Variants in FBXL5 observed in about 807,000 individuals in gnomAD.
The protein encoded by FBXL5 is F-box/LRR-repeat protein 5.
In FBXL5, 26 loss-of-function variants were observed where a neutral mutation model predicts 78.3. The ratio of observed to expected loss-of-function variants is 0.33; its 90% confidence interval spans 0.24 to 0.46. The LOEUF (loss-of-function observed/expected upper bound fraction) is 0.46, where lower values mean the gene tolerates loss of function less well. FBXL5 is among the 20% of genes least tolerant of loss of function. The pLI, the probability that FBXL5 is intolerant of heterozygous loss-of-function variation, is 1.00. For missense variants in FBXL5, 710 were observed against 829.2 expected (o/e 0.86, Z 1.77); for synonymous variants, 295 against 282.5 (o/e 1.04, Z -0.45).
At chr4:15,631,517 A>G (rs1447177638) in intron 5 of FBXL5, among the ~76,000 whole-genome samples, 2 of 152,216 alleles carry the variant, frequency 1.3e-5, no homozygotes, top group Non-Finnish European at 2.9e-5. Flanking sequence ...TGGCTGAACT[A>G]ATTTACACTC....
chr4:15,631,343 G>C (rs1450354383), intron 5 of FBXL5, among the ~76,000 whole-genome samples: 1 of 152,186 alleles, frequency 6.6e-6, no homozygotes, highest in Non-Finnish European at 1.5e-5. Context: ...TTGGTTCCAA[G>C]TCTTTGCTAT....
At chr4:15,663,652 A>G (rs1717412391), upstream of FBXL5, among the ~76,000 whole-genome samples, 1 of 152,220 alleles carries the variant, frequency 6.6e-6, no homozygotes, top group Non-Finnish European at 1.5e-5. Context: ...TGGAGATTAA[A>G]TGAGATTATA....
At chr4:15,610,194 T>C (rs1275832630) in intron 10 of FBXL5, among the ~76,000 whole-genome samples, 1 of 152,030 alleles carries the variant, frequency 6.6e-6, no homozygotes, top group Non-Finnish European at 1.5e-5. Context: ...GGAACAAGTG[T>C]CATCTTGCAA....
At chr4:15,648,883 G>T (rs763897407) in intron 1 of FBXL5, among the ~76,000 whole-genome samples, 8 of 152,124 alleles carry the variant, frequency 5.3e-5, no homozygotes, top group Non-Finnish European at 7.3e-5. Flanking sequence ...CACACAAAGG[G>T]TAATCGTTTG....
At chr4:15,667,782 C>A (rs563249607) in intron 1 of FBXL5, among the ~76,000 whole-genome samples, 3 of 152,272 alleles carry the variant, frequency 2.0e-5, no homozygotes, top group South Asian at 4.1e-4. Context: ...TTTATCACGC[C>A]TGTAATCCCA....
chr4:15,671,462 A>C (rs941717135), intron 1 of FBXL5, among the ~76,000 whole-genome samples: 4 of 150,918 alleles, frequency 2.7e-5, no homozygotes, highest in Non-Finnish European at 4.4e-5. Context: ...TTTAAGAGAC[A>C]GGGTCTCTCC....
At position 15,636,558 on chromosome 4, in the gene FBXL5, T is replaced by C. The variant is rs748325740; in HGVS notation, c.702A>G (p.Lys234=). The change falls in exon 5 of 11, where the codon AAA becomes AAG. Residue 234 remains lysine (K), a synonymous_variant. Coordinates refer to ENST00000341285, the MANE Select transcript of FBXL5 (RefSeq NM_012161.4). The stretch of plus-strand genomic sequence containing the variant: ...ATCCCGTTTTTGTCAGCTGAGACCA[T>C]TTCATGCTTACTTGACTGCATCGAC... ...ELCRCSQVSM[K]WSQLTKTGSL... is the part of the protein sequence containing the mutation. The C allele has an allele frequency of 1.9e-6, 3 of 1,613,920 alleles. No homozygotes were observed. Among genetic ancestry groups the C allele is most frequent in the African/African-American group, 2.7e-5 (2 of 74,936 alleles).
At chr4:15,629,631 T>C (rs142743747) in intron 6 of FBXL5, among the ~76,000 whole-genome samples, 2 of 152,242 alleles carry the variant, frequency 1.3e-5, no homozygotes, top group East Asian at 3.9e-4. Context: ...CCTTCATACC[T>C]AAAACAATGC....
At chr4:15,631,397 T>C (rs1288373801) in intron 5 of FBXL5, among the ~76,000 whole-genome samples, 1 of 152,246 alleles carries the variant, frequency 6.6e-6, no homozygotes, top group Non-Finnish European at 1.5e-5. Flanking sequence ...TGTGTCTTTA[T>C]AGTAGCATAA....
At chr4:15,615,237 G>A (rs913279235) in intron 9 of FBXL5, among the ~76,000 whole-genome samples, 2 of 152,076 alleles carry the variant, frequency 1.3e-5, no homozygotes, top group East Asian at 1.9e-4. Flanking sequence ...CCTCCCCAAC[G>A]AGCACTACCC....
At chr4:15,654,658 G>A (rs1025401429) in intron 1 of FBXL5, among the ~76,000 whole-genome samples, 2 of 152,220 alleles carry the variant, frequency 1.3e-5, no homozygotes, top group African/African-American at 4.8e-5. Flanking sequence ...AAAGCCGGGG[G>A]TAAAAGGAAC....
chr4:15,670,138 CAT>C (rs1205967718), intron 1 of FBXL5, among the ~76,000 whole-genome samples: 2 of 152,298 alleles, frequency 1.3e-5, no homozygotes, highest in South Asian at 4.1e-4. Flanking sequence ...GTAGTATTCT[CAT>C]ATGTGTTCCA....
chr4:15,665,359 C>A (rs1329206394), intron 1 of FBXL5, among the ~76,000 whole-genome samples: 10 of 152,088 alleles, frequency 6.6e-5, no homozygotes. Flanking sequence ...TACAGCCATA[C>A]CCCTATAATC....
At chr4:15,630,122 T>G (rs1452585256) in intron 6 of FBXL5, among the ~76,000 whole-genome samples, 3 of 152,202 alleles carry the variant, frequency 2.0e-5, no homozygotes, top group Non-Finnish European at 4.4e-5. Flanking sequence ...AGCGATGAAG[T>G]CTTATCCATC....
At chr4:15,607,172 T>A (rs926130250) in intron 10 of FBXL5, among the ~76,000 whole-genome samples, 2 of 152,004 alleles carry the variant, frequency 1.3e-5, no homozygotes, top group Non-Finnish European at 2.9e-5. Flanking sequence ...AATGGCGGAG[T>A]AGATATGGGA....
intron 9 of FBXL5, among the ~76,000 whole-genome samples, chr4:15,619,251 C>T (rs1224580107): frequency 1.3e-5 from 2 of 152,038 alleles, no homozygotes; most frequent in Admixed American, 6.5e-5. Flanking sequence ...AAAAACACAA[C>T]AAGAAAATTA....
rs551499613 is a variant in FBXL5 at position 15,636,699 on chromosome 4, T to G, written c.584-23A>C. The G allele has an allele frequency of 9.2e-6, 14 of 1,518,634 alleles. No homozygotes were observed. In the Admixed American group the frequency reaches 1.5e-4, roughly 16 times the overall value. The allele number at this position is 1,518,634 out of a possible 1,614,324, so 94.1% of individuals were successfully genotyped here. On this transcript the variant is annotated intron_variant, in intron 4 of 10. Coordinates refer to ENST00000341285, the MANE Select transcript of FBXL5 (RefSeq NM_012161.4). Reference sequence around the variant, plus strand: ...CTTCTGAAATAAAAAAGAAAAACTTTACCAGTAAAGGCTAAAGAGCATATG... The same window carrying G: ...CTTCTGAAATAAAAAAGAAAAACTTGACCAGTAAAGGCTAAAGAGCATATG...
intron 1 of FBXL5, among the ~76,000 whole-genome samples, chr4:15,667,680 T>A (rs1471642040): frequency 6.6e-6 from 1 of 152,134 alleles, no homozygotes; most frequent in East Asian, 1.9e-4. Flanking sequence ...TGAGAAGCAA[T>A]TAATGATGAA....
intron 3 of FBXL5, among the ~76,000 whole-genome samples, chr4:15,640,400 A>AAG (rs1714730302): frequency 6.6e-6 from 1 of 151,456 alleles, no homozygotes; most frequent in Non-Finnish European, 1.5e-5. Context: ...ACTGAAAAAA[A>AAG]AAAAAAAAAA....
Sources: allele counts gnomAD v4.1 joint callset (sites outside exome capture counted in the v4.1 genomes callset), GRCh38; gene constraint gnomAD v4.1.1; transcripts MANE v1.5; gene names NCBI Gene and HGNC (gene_info 2026-07-23, HGNC 2026-07-21).